EPB41L2: variants seen among roughly 807,000 people sequenced by gnomAD.
EPB41L2 encodes the protein band 4.1-like protein 2.
Under a neutral mutation model 113.0 loss-of-function variants are expected in EPB41L2, and 43 were observed. The ratio of observed to expected loss-of-function variants is 0.38; its 90% CI spans 0.30 to 0.49. The LOEUF (loss-of-function observed/expected upper bound fraction) is 0.49, where lower values mean the gene tolerates loss of function less well. Among genes scored for constraint, EPB41L2 ranks in the 20% least tolerant of loss-of-function variants. The probability of loss-of-function intolerance (pLI) is 0.95; values close to 1 mark genes in which losing one functional copy is unlikely to be tolerated. For synonymous variants in EPB41L2, 442 were observed against 436.7 expected (o/e 1.01, Z -0.15); for missense variants, 1,147 against 1,223.4 (o/e 0.94, Z 0.93).
intron 3 of EPB41L2, among the ~76,000 whole-genome samples, chr6:130,934,089 T>TA (rs1415502460): frequency 6.6e-6 from 1 of 152,140 alleles, no homozygotes; most frequent in Non-Finnish European, 1.5e-5. Context: ...CAACAACTGA[T>TA]ACATTGTTGG....
intron 5 of EPB41L2, among the ~76,000 whole-genome samples, chr6:130,908,572 A>T (rs192569143): frequency 1.1e-3 from 163 of 152,326 alleles, no homozygotes; most frequent in Non-Finnish European, 2.2e-3. Context: ...CAGAAAAAAA[A>T]TGTCAGATGT....
At chr6:130,912,458 G>A (rs949482344) in intron 4 of EPB41L2, among the ~76,000 whole-genome samples, 7 of 152,082 alleles carry the variant, frequency 4.6e-5, no homozygotes, top group Non-Finnish European at 7.3e-5. Context: ...GCCCGCACTC[G>A]GGGTAGCAAG....
chr6:130,980,194 A>G (rs1779079558), intron 1 of EPB41L2, among the ~76,000 whole-genome samples: 1 of 152,188 alleles, frequency 6.6e-6, no homozygotes, highest in Middle Eastern at 3.2e-3. Flanking sequence ...GCTACAGATA[A>G]AATATCAGAA....
In EPB41L2 at chr6:130,908,268, T is replaced by C. The variant is rs551631858; in HGVS notation, c.853+553A>G. ...GAAGAAATGAACAATGAGGCCTAAC[T>C]ACAAGCCCAGGCTCAAAGAGTATGC... On this transcript the variant is annotated intron_variant, in intron 5 of 19. Coordinates refer to ENST00000337057, the MANE Select transcript of EPB41L2 (RefSeq NM_001431.4). 8.5e-5 allele frequency among the ~76,000 whole-genome samples: 13 copies of C among 152,258 alleles called. No homozygotes were observed. In the East Asian group the frequency reaches 2.1e-3, roughly 25 times the overall value.
rs147613480 is a variant in EPB41L2, at chr6:130,932,457, T to G, written c.706-5748A>C. Among the ~76,000 whole-genome samples the G allele has an allele frequency of 4.0e-3, 614 of 152,348 alleles. 2 individuals carry two copies. Among genetic ancestry groups the G allele is most frequent in the African/African-American group, 0.014 (571 of 41,590 alleles). On this transcript the variant is annotated intron_variant, in intron 3 of 19. Coordinates refer to ENST00000337057, the MANE Select transcript of EPB41L2 (RefSeq NM_001431.4). ...GATACCAGTACACGTAGTTGCTTCA[T>G]TAGTTGTCACAGCAATTTTGGGGTA...
intron 1 of EPB41L2, among the ~76,000 whole-genome samples, chr6:130,961,134 C>G (rs1487339330): frequency 6.6e-6 from 1 of 152,244 alleles, no homozygotes; most frequent in East Asian, 1.9e-4. Flanking sequence ...TGCTCATTGA[C>G]TAATATTTAA....
At chr6:131,031,408 T>C (rs897270586) in intron 1 of EPB41L2, among the ~76,000 whole-genome samples, 7 of 152,208 alleles carry the variant, frequency 4.6e-5, no homozygotes, top group African/African-American at 1.7e-4. Context: ...GATAATCATA[T>C]ATAGTTAGTA....
At chr6:130,877,803 G>GT (rs1310021291) in intron 14 of EPB41L2, among the ~76,000 whole-genome samples, 3 of 149,204 alleles carry the variant, frequency 2.0e-5, no homozygotes, top group African/African-American at 7.4e-5. Context: ...ATTAAATACA[G>GT]TATGTTAGTT....
chr6:130,987,821 G>A (rs768472311), intron 1 of EPB41L2, among the ~76,000 whole-genome samples: 11 of 152,078 alleles, frequency 7.2e-5, no homozygotes, highest in Non-Finnish European at 1.5e-4. Flanking sequence ...AAGGTAAATA[G>A]GCTCAGGTGG....
intron 1 of EPB41L2, among the ~76,000 whole-genome samples, chr6:131,042,940 T>C (rs1371726668): frequency 6.6e-6 from 1 of 152,190 alleles, no homozygotes; most frequent in East Asian, 1.9e-4. Context: ...CCCAAATTTC[T>C]AAGTGGTTCC....
chr6:130,862,242 C>A (rs1782344974), intron 18 of EPB41L2, among the ~76,000 whole-genome samples: 1 of 151,952 alleles, frequency 6.6e-6, no homozygotes, highest in African/African-American at 2.4e-5. Context: ...ATAAGTAAAA[C>A]CTGAGTACTG....
chr6:131,039,841 CA>C (rs552561875), intron 1 of EPB41L2, among the ~76,000 whole-genome samples: 41 of 132,790 alleles, frequency 3.1e-4, no homozygotes, highest in African/African-American at 3.0e-4. Context: ...GAAACACAAC[CA>C]AAAAAAAAAA....
rs948967006 is a variant in EPB41L2, at chr6:130,949,722, G to T, written c.705+5383C>A. On this transcript the variant is annotated intron_variant, in intron 3 of 19. Coordinates refer to ENST00000337057, the MANE Select transcript of EPB41L2 (RefSeq NM_001431.4). ...GTTGACTCTTGAACAACACAGGTCTGAACTGCATGGATCCACTTACACCTA... is the reference window on the plus strand; with the variant it reads ...GTTGACTCTTGAACAACACAGGTCTTAACTGCATGGATCCACTTACACCTA... 2.0e-5 allele frequency among the ~76,000 whole-genome samples: 3 copies of T among 152,144 alleles called. No homozygotes were observed. The East Asian group carries it at 5.8e-4, about 29-fold the overall frequency.
chr6:131,020,754 C>T (rs1240200375), intron 1 of EPB41L2, among the ~76,000 whole-genome samples: 2 of 152,184 alleles, frequency 1.3e-5, no homozygotes, highest in Admixed American at 6.5e-5. Flanking sequence ...GGCTCTTCAG[C>T]TCTTCAGCAC....
chr6:130,897,726 C>A (rs1795082581), intron 8 of EPB41L2, among the ~76,000 whole-genome samples: 1 of 152,068 alleles, frequency 6.6e-6, no homozygotes, highest in South Asian at 2.1e-4. Context: ...AGAAAATGAT[C>A]TGAAAAACAC....
At chr6:131,028,599 A>C (rs1791388850) in intron 1 of EPB41L2, among the ~76,000 whole-genome samples, 1 of 152,190 alleles carries the variant, frequency 6.6e-6, no homozygotes, top group African/African-American at 2.4e-5. Context: ...GCCCTCAAAC[A>C]ACACAAGATT....
chr6:130,990,960 G>A (rs1159426857), intron 1 of EPB41L2, among the ~76,000 whole-genome samples: 2 of 151,784 alleles, frequency 1.3e-5, no homozygotes, highest in African/African-American at 2.4e-5. Flanking sequence ...CCAAGTAGCT[G>A]GGACTACAGG....
chr6:131,003,424 A>G (rs908478594), intron 1 of EPB41L2, among the ~76,000 whole-genome samples: 1 of 152,206 alleles, frequency 6.6e-6, no homozygotes, highest in African/African-American at 2.4e-5. Flanking sequence ...CAAGCTTGAC[A>G]TTTTCAATCA....
chr6:131,048,100 T>C (rs1169056746), intron 1 of EPB41L2, among the ~76,000 whole-genome samples: 15 of 130,890 alleles, frequency 1.1e-4, no homozygotes, highest in Non-Finnish European at 2.2e-4. Context: ...ATCGCGCCAC[T>C]GTACCTCAGG....
Sources: allele counts gnomAD v4.1 joint callset (sites outside exome capture counted in the v4.1 genomes callset), GRCh38; gene constraint gnomAD v4.1.1; transcripts MANE v1.5; gene names NCBI Gene and HGNC (gene_info 2026-07-23, HGNC 2026-07-21).